Variants in CSMD3 observed in about 807,000 individuals in gnomAD.
CSMD3 encodes CUB and sushi domain-containing protein 3.
A neutral mutation model predicts 435.2 loss-of-function variants in CSMD3; 177 were observed. The observed-to-expected ratio is 0.41, with a 90% CI of 0.36 to 0.46. The LOEUF (loss-of-function observed/expected upper bound fraction) is 0.46, where lower values mean the gene tolerates loss of function less well. Among genes scored for constraint, CSMD3 ranks in the 20% least tolerant of loss-of-function variants. CSMD3 has a pLI of 0.34. For synonymous variants in CSMD3, 1,656 were observed against 1,520.5 expected, an observed-to-expected ratio of 1.09 and a Z score of -2.07; for missense variants, 4,265 against 4,504.6, an observed-to-expected ratio of 0.95 and a Z score of 1.52.
chr8:112,264,294 T>C lies in CSMD3; in HGVS notation c.9689-482A>G, dbSNP rs181700432. 8.9e-4 allele frequency among the ~76,000 whole-genome samples: 135 copies of C among 152,316 alleles called. 4 individuals carry two copies. The highest frequency in any genetic ancestry group is 6.3e-3 in the Admixed American group (97 of 15,288). ...GAGTATAATATCCAAGTTAGTTCCCTTAACCACTTAGATTCATATGTTAAA... is the reference window on the plus strand; with the variant it reads ...GAGTATAATATCCAAGTTAGTTCCCCTAACCACTTAGATTCATATGTTAAA... On this transcript the variant is annotated intron_variant, in intron 60 of 70. Coordinates refer to ENST00000297405, the MANE Select transcript of CSMD3 (RefSeq NM_198123.2).
chr8:113,243,295 G>A (rs1483273763), intron 3 of CSMD3, among the ~76,000 whole-genome samples: 1 of 151,750 alleles, frequency 6.6e-6, no homozygotes, highest in East Asian at 1.9e-4. Flanking sequence ...GTGACTGTTG[G>A]TACATTAAGG....
intron 4 of CSMD3, among the ~76,000 whole-genome samples, chr8:113,143,860 G>C (rs1380037157): frequency 6.6e-6 from 1 of 151,202 alleles, no homozygotes; most frequent in Non-Finnish European, 1.5e-5. Flanking sequence ...TGATGGAAAA[G>C]TTCTGTATCT....
intron 4 of CSMD3, among the ~76,000 whole-genome samples, chr8:113,152,317 A>T (rs2091826245): frequency 6.6e-6 from 1 of 152,032 alleles, no homozygotes; most frequent in Non-Finnish European, 1.5e-5. Flanking sequence ...AACATAAAAT[A>T]CTCTCTATTT....
At chr8:112,904,690 GC>G (rs1163946768) in intron 10 of CSMD3, among the ~76,000 whole-genome samples, 2 of 151,328 alleles carry the variant, frequency 1.3e-5, no homozygotes. Flanking sequence ...AGGCACTGAT[GC>G]CACCTCAGTT....
chr8:112,521,634 TTAA>T (rs1397596072), intron 27 of CSMD3, among the ~76,000 whole-genome samples: 1 of 151,884 alleles, frequency 6.6e-6, no homozygotes, highest in Non-Finnish European at 1.5e-5. Flanking sequence ...CTTCATAAGT[TTAA>T]GTATTATTTT....
intron 3 of CSMD3, among the ~76,000 whole-genome samples, chr8:113,249,406 T>G (rs1018558532): frequency 6.6e-6 from 1 of 152,112 alleles, no homozygotes; most frequent in African/African-American, 2.4e-5. Flanking sequence ...AAATGTTTTA[T>G]GTAGTATTGT....
At chr8:112,298,452 C>A (rs1820557731) in intron 53 of CSMD3, among the ~76,000 whole-genome samples, 1 of 151,996 alleles carries the variant, frequency 6.6e-6, no homozygotes, top group Admixed American at 6.6e-5. Flanking sequence ...AACTATAAAG[C>A]TTCTAGTAGA....
chr8:113,154,284 A>G (rs1396664069), intron 4 of CSMD3, among the ~76,000 whole-genome samples: 4 of 152,038 alleles, frequency 2.6e-5, no homozygotes, highest in African/African-American at 9.7e-5. Context: ...TGTGACCAAC[A>G]TAAAAACATT....
At chr8:112,730,030 AAGT>A (rs1303822964) in intron 13 of CSMD3, among the ~76,000 whole-genome samples, 2 of 152,126 alleles carry the variant, frequency 1.3e-5, no homozygotes, top group African/African-American at 4.8e-5. Flanking sequence ...TATAAATCTG[AAGT>A]ACAATTATTT....
At chr8:112,346,948 C>T (rs1204811133) in intron 40 of CSMD3, among the ~76,000 whole-genome samples, 1 of 151,900 alleles carries the variant, frequency 6.6e-6, no homozygotes, top group Non-Finnish European at 1.5e-5. Context: ...TATCCTTTTC[C>T]TCTTTTTGTG....
chr8:112,409,061 C>CA lies in CSMD3; in HGVS notation c.5396-30dup, dbSNP rs750804771. 9 of 1,612,624 alleles carry CA rather than the reference C, an allele frequency of 5.6e-6. No individual in the cohort carries two copies. In the African/African-American group the frequency reaches 1.2e-4, roughly 22 times the overall value. On this transcript the variant is annotated intron_variant, in intron 32 of 70. Coordinates refer to ENST00000297405, the MANE Select transcript of CSMD3 (RefSeq NM_198123.2). ...ATCAACAGGAACCCGGAGAAGCAAA[C>CA]AAATCACCAACCATCCAAAAACGAA... is the stretch of plus-strand genomic sequence containing the variant.
intron 53 of CSMD3, among the ~76,000 whole-genome samples, chr8:112,297,731 G>C (rs2130730282): frequency 6.6e-6 from 1 of 152,208 alleles, no homozygotes; most frequent in East Asian, 1.9e-4. Context: ...TCTTAAACTA[G>C]TAAGTGAATT....
At chr8:112,425,185 T>C (rs1812939766) in intron 32 of CSMD3, among the ~76,000 whole-genome samples, 1 of 152,232 alleles carries the variant, frequency 6.6e-6, no homozygotes, top group Non-Finnish European at 1.5e-5. Flanking sequence ...TTTTACATAC[T>C]ATGATATTCC....
chr8:112,686,342 C>T (rs1223917607), intron 14 of CSMD3, among the ~76,000 whole-genome samples: 3 of 151,912 alleles, frequency 2.0e-5, no homozygotes. Flanking sequence ...GTTTTTTTAA[C>T]TTTTAAAAAC....
chr8:113,120,791 AT>A (rs2090964176), intron 4 of CSMD3, among the ~76,000 whole-genome samples: 1 of 152,122 alleles, frequency 6.6e-6, no homozygotes, highest in Admixed American at 6.6e-5. Flanking sequence ...ATACAAACTA[AT>A]TTTATGGAGT....
intron 50 of CSMD3, among the ~76,000 whole-genome samples, chr8:112,308,040 A>G (rs1821610289): frequency 6.6e-6 from 1 of 152,186 alleles, no homozygotes; most frequent in African/African-American, 2.4e-5. Flanking sequence ...CTACTGCTGA[A>G]TAATTGATCT....
intron 23 of CSMD3, 35 bp from the exon 24 acceptor site, chr8:112,573,692 G>A: frequency 6.9e-7 from 1 of 1,445,234 alleles, no homozygotes; most frequent in Non-Finnish European, 9.7e-7. Context: ...ATGTAAATGT[G>A]CCAATAATAA....
intron 66 of CSMD3, among the ~76,000 whole-genome samples, chr8:112,240,038 A>G (rs1302331496): frequency 1.3e-5 from 2 of 152,034 alleles, no homozygotes; most frequent in Non-Finnish European, 2.9e-5. Context: ...ATAGCCCTCA[A>G]GCTTTGATAT....
intron 3 of CSMD3, among the ~76,000 whole-genome samples, chr8:113,197,307 A>G (rs1418100158): frequency 2.0e-5 from 3 of 151,156 alleles, no homozygotes; most frequent in African/African-American, 7.3e-5. Context: ...ATATATATAT[A>G]TAACACACAT....
Sources: gnomAD v4.1 joint callset for allele counts (sites outside exome capture counted in the v4.1 genomes callset) on GRCh38, gnomAD v4.1.1 for gene constraint, MANE v1.5 for transcripts, NCBI Gene and HGNC (gene_info 2026-07-23, HGNC 2026-07-21) for gene names.